The following UST variants were observed in gnomAD, a reference collection of about 807,000 sequenced individuals.
UST encodes the protein uronyl 2-sulfotransferase.
In UST, 21 loss-of-function variants were observed where a neutral mutation model predicts 45.6. The observed-to-expected ratio is 0.46, with a 90% CI of 0.33 to 0.66. UST has a LOEUF of 0.66. Ranked by LOEUF, UST falls within the 30% of genes least tolerant of loss-of-function variation. The probability of loss-of-function intolerance (pLI) is 0.02; values close to 1 mark genes in which losing one functional copy is unlikely to be tolerated. For synonymous variants in UST, 215 were observed against 200.6 expected, an observed-to-expected ratio of 1.07 and a Z score of -0.61; for missense variants, 463 against 512.4, an observed-to-expected ratio of 0.90 and a Z score of 0.93.
At chr6:149,057,837 G>A (rs559763061) in intron 7 of UST, among the ~76,000 whole-genome samples, 1 of 152,210 alleles carries the variant, frequency 6.6e-6, no homozygotes, top group Non-Finnish European at 1.5e-5. Flanking sequence ...AAGACTAGAA[G>A]GAAATGTACT....
At chr6:148,846,720 G>A (rs1777999246) in intron 1 of UST, among the ~76,000 whole-genome samples, 1 of 152,242 alleles carries the variant, frequency 6.6e-6, no homozygotes, top group South Asian at 2.1e-4. Context: ...GCTTAGCTCA[G>A]TGTGTGGTGC....
intron 5 of UST, among the ~76,000 whole-genome samples, chr6:148,967,699 C>T (rs1219411733): frequency 2.0e-5 from 3 of 152,198 alleles, no homozygotes; most frequent in African/African-American, 7.2e-5. Context: ...CTTCCCTGCA[C>T]ACCGCATGCC....
At chr6:148,787,367 A>G (rs1036953369) in intron 1 of UST, among the ~76,000 whole-genome samples, 2 of 152,154 alleles carry the variant, frequency 1.3e-5, no homozygotes, top group Non-Finnish European at 2.9e-5. Context: ...ATTTTTGTAT[A>G]TGGTGTAAGG....
intron 2 of UST, among the ~76,000 whole-genome samples, chr6:148,903,446 T>C (rs1343477589): frequency 6.6e-6 from 1 of 152,252 alleles, no homozygotes; most frequent in Non-Finnish European, 1.5e-5. Context: ...ACATATTCTT[T>C]ATCATGTTAA....
At chr6:148,804,409 C>G (rs989610664) in intron 1 of UST, among the ~76,000 whole-genome samples, 2 of 152,116 alleles carry the variant, frequency 1.3e-5, no homozygotes, top group African/African-American at 4.8e-5. Flanking sequence ...GTCATGGGCC[C>G]CTCTTATTCC....
intron 1 of UST, among the ~76,000 whole-genome samples, 197 bp from the exon 2 acceptor site, chr6:148,886,789 A>G (rs1310241356): frequency 1.3e-5 from 2 of 152,238 alleles, no homozygotes; most frequent in African/African-American, 2.4e-5. Flanking sequence ...GAATGTTTGT[A>G]ACAGCTGAAA....
In UST at chr6:149,059,384, G is replaced by A. The variant is rs902864703; in HGVS notation, c.938-14449G>A. The stretch of plus-strand genomic sequence containing the variant: ...AGTTTGTCCGGCAGGGTGTTCACCT[G>A]GCTCTGCAGAAGGACACGAAAGGTG... On this transcript the variant is annotated intron_variant, in intron 7 of 7. Coordinates refer to ENST00000367463, the MANE Select transcript of UST (RefSeq NM_005715.3). Among the ~76,000 whole-genome samples the A allele has an allele frequency of 1.2e-4, 18 of 152,182 alleles. 1 individual carries two copies. Among genetic ancestry groups the A allele is most frequent in the African/African-American group, 4.3e-4 (18 of 41,434 alleles).
intron 1 of UST, among the ~76,000 whole-genome samples, chr6:148,845,079 G>A (rs933747691): frequency 1.3e-5 from 2 of 152,126 alleles, no homozygotes; most frequent in African/African-American, 4.8e-5. Context: ...ATTGTGAATA[G>A]CATGGTGATT....
intron 1 of UST, among the ~76,000 whole-genome samples, chr6:148,884,102 C>T (rs911732226): frequency 2.0e-5 from 3 of 146,710 alleles, no homozygotes; most frequent in African/African-American, 7.7e-5. Flanking sequence ...CACTGCACTC[C>T]AGCCTGGGCA....
At chr6:148,868,714 C>T (rs1051251520) in intron 1 of UST, among the ~76,000 whole-genome samples, 6 of 152,052 alleles carry the variant, frequency 3.9e-5, no homozygotes, top group African/African-American at 1.4e-4. Context: ...TTAATTTATG[C>T]CCAGGTATAA....
At chr6:149,054,636 G>T (rs199663344) in intron 7 of UST, among the ~76,000 whole-genome samples, 2 of 152,146 alleles carry the variant, frequency 1.3e-5, no homozygotes, top group East Asian at 3.9e-4. Flanking sequence ...AACTGGGCAG[G>T]AAAGACAAGA....
intron 1 of UST, among the ~76,000 whole-genome samples, chr6:148,806,796 G>A (rs929626887): frequency 2.0e-5 from 3 of 152,174 alleles, no homozygotes; most frequent in African/African-American, 7.2e-5. Context: ...GCATCACATG[G>A]CGAGGATGCA....
chr6:148,945,601 AT>A (rs768521082), intron 3 of UST, among the ~76,000 whole-genome samples: 51 of 152,230 alleles, frequency 3.4e-4, no homozygotes, highest in Non-Finnish European at 5.3e-4. Context: ...AAGAAAAAAA[AT>A]ATTATGGTTC....
Position 149,074,092 on chromosome 6 carries a change from G to T in UST, c.1197G>T (p.Trp399Cys). Reference protein sequence around the residue: ...IDDEEQDDEKWLEDIYKR With the variant: ...IDDEEQDDEKCLEDIYKR ...ATGAAGAACAGGATGATGAAAAGTGGCTGGAAGATATTTATAAGAGGTGAT... is the reference window on the plus strand; with the variant it reads ...ATGAAGAACAGGATGATGAAAAGTGTCTGGAAGATATTTATAAGAGGTGAT... The change falls in exon 8 of 8, where the codon TGG (tryptophan) becomes TGT (cysteine). Residue 399 changes from tryptophan to cysteine, a missense_variant. Coordinates refer to ENST00000367463, the MANE Select transcript of UST (RefSeq NM_005715.3). 6.2e-7 allele frequency: 1 copy of T among 1,614,164 alleles called. No individual in the cohort carries two copies. Among genetic ancestry groups the T allele is most frequent in the Non-Finnish European group, 8.5e-7 (1 of 1,179,996 alleles).
At position 149,010,913 on chromosome 6, in the gene UST, A is replaced by AAAAAAAAAAAAAC. The variant is rs755674810; in HGVS notation, c.682-8220_682-8219insAAAAAACAAAAAA. Among the ~76,000 whole-genome samples the AAAAAAAAAAAAAC allele has an allele frequency of 5.9e-3, 551 of 92,942 alleles. 96 individuals are homozygous for AAAAAAAAAAAAAC. Among genetic ancestry groups the AAAAAAAAAAAAAC allele is most frequent in the African/African-American group, 0.015 (339 of 22,906 alleles). The allele number at this position is 92,942 out of a possible 152,430, so 61.0% of individuals were successfully genotyped here. A position where few individuals can be genotyped will look rare whatever the true frequency, so the allele number is the denominator to read the frequency against. ...TCTCAACCAAAAAAAAAAAAAAAAAAAAAAAACTGTGACTATTTATTTGTC... is the reference window on the plus strand; with the variant it reads ...TCTCAACCAAAAAAAAAAAAAAAAAAAAAAAAAAAAAACAAAAAACTGTGACTATTTATTTGTC... On this transcript the variant is annotated intron_variant, in intron 5 of 7. Transcript: ENST00000367463.
chr6:148,962,617 T>C (rs573932912), intron 4 of UST, among the ~76,000 whole-genome samples: 3 of 152,320 alleles, frequency 2.0e-5, no homozygotes, highest in African/African-American at 2.4e-5. Flanking sequence ...CTCCTGGGAC[T>C]CCAGTTAGTT....
At chr6:148,971,969 G>A (rs1780926582) in intron 5 of UST, among the ~76,000 whole-genome samples, 1 of 152,202 alleles carries the variant, frequency 6.6e-6, no homozygotes, top group African/African-American at 2.4e-5. Context: ...CAAGGAGGAA[G>A]TTTTTATGGG....
At chr6:149,043,703 G>T (rs950698738) in intron 7 of UST, among the ~76,000 whole-genome samples, 3 of 152,278 alleles carry the variant, frequency 2.0e-5, no homozygotes, top group Admixed American at 6.5e-5. Flanking sequence ...CGGCCATCTT[G>T]TTCAGAGCCA....
At chr6:149,052,659 G>A (rs1280160053) in intron 7 of UST, among the ~76,000 whole-genome samples, 2 of 152,154 alleles carry the variant, frequency 1.3e-5, no homozygotes, top group Non-Finnish European at 2.9e-5. Flanking sequence ...GGGAGATGGG[G>A]TAGCTAGAAA....
Sources: gnomAD v4.1 joint callset for allele counts (sites outside exome capture counted in the v4.1 genomes callset) on GRCh38, gnomAD v4.1.1 for gene constraint, MANE v1.5 for transcripts, NCBI Gene and HGNC (gene_info 2026-07-23, HGNC 2026-07-21) for gene names.